Variants in BIRC6 observed in about 807,000 individuals in gnomAD.
BIRC6 encodes baculoviral IAP repeat containing 6.
Under a neutral mutation model 503.3 loss-of-function variants are expected in BIRC6, and 98 were observed. That is an observed-to-expected ratio of 0.19 (90% confidence interval 0.17 to 0.23). BIRC6 has a LOEUF of 0.23. BIRC6 is among the 10% of genes least tolerant of loss of function. The pLI, the probability that BIRC6 is intolerant of heterozygous loss-of-function variation, is 1.00. For missense variants in BIRC6, 5,360 were observed against 5,806.0 expected (o/e 0.92, Z 2.50); for synonymous variants, 2,240 against 2,078.7 (o/e 1.08, Z -2.11).
rs896404324 is a variant in BIRC6 at position 32,439,790 on chromosome 2, A to G, written c.3810+104A>G. The G allele has an allele frequency of 4.0e-5, 40 of 1,008,654 alleles. No homozygotes were observed. The African/African-American group carries it at 5.1e-4, about 13-fold the overall frequency. 62.5% of individuals were successfully genotyped at this position (1,008,654 alleles called of 1,614,324 possible). A position where few individuals can be genotyped will look rare whatever the true frequency, so the allele number is the denominator to read the frequency against. On this transcript the variant is annotated intron_variant, in intron 16 of 73. Transcript: ENST00000421745. ...TATGACCTTTCAGTGATGTTTTACT[A>G]TACGCTTGGTTTGTTTGTATTTTGT...
intron 6 of BIRC6, among the ~76,000 whole-genome samples, chr2:32,400,226 A>C (rs927967592): frequency 6.6e-6 from 1 of 151,790 alleles, no homozygotes; most frequent in Non-Finnish European, 1.5e-5. Context: ...AATAAATTTT[A>C]TTTAAAAGTT....
At chr2:32,463,745 C>G (rs1050364588) in intron 24 of BIRC6, among the ~76,000 whole-genome samples, 1 of 152,178 alleles carries the variant, frequency 6.6e-6, no homozygotes, top group African/African-American at 2.4e-5. Flanking sequence ...TTAAAATTCA[C>G]TAATAATGAC....
At chr2:32,412,342 C>G (rs760612882) in intron 9 of BIRC6, among the ~76,000 whole-genome samples, 1 of 151,570 alleles carries the variant, frequency 6.6e-6, no homozygotes, top group Non-Finnish European at 1.5e-5. Context: ...ACTAAAAATA[C>G]AAAAATTAGC....
intron 55 of BIRC6, among the ~76,000 whole-genome samples, 166 bp downstream of exon 55, chr2:32,515,936 C>T (rs934732073): frequency 6.6e-6 from 1 of 152,170 alleles, no homozygotes; most frequent in African/African-American, 2.4e-5. Flanking sequence ...AATATGCTGT[C>T]ACTGGAATCA....
intron 1 of BIRC6, among the ~76,000 whole-genome samples, chr2:32,369,109 G>A (rs1029996909): frequency 2.0e-5 from 3 of 152,188 alleles, no homozygotes; most frequent in Non-Finnish European, 4.4e-5. Context: ...ATGCAAGATA[G>A]CATCAGTACA....
intron 22 of BIRC6, among the ~76,000 whole-genome samples, chr2:32,449,552 T>C (rs1411760079): frequency 6.6e-6 from 1 of 152,342 alleles, no homozygotes; most frequent in East Asian, 1.9e-4. Flanking sequence ...TAATTGTACT[T>C]ATTGCAGATG....
chr2:32,406,377 T>A, intron 8 of BIRC6, 122 bp from the exon 9 acceptor site: 1 of 667,458 alleles, frequency 1.5e-6, no homozygotes, highest in Non-Finnish European at 2.6e-6. Flanking sequence ...CCAGCCTGGA[T>A]GACAGACTGA....
rs536784420 is a variant in BIRC6 at position 32,363,321 on chromosome 2, C to G, written c.325+5835C>G. Among the ~76,000 whole-genome samples the G allele has an allele frequency of 2.6e-5, 4 of 151,666 alleles. No homozygotes were observed. In the South Asian group the frequency reaches 8.3e-4, roughly 32 times the overall value. On this transcript the variant is annotated intron_variant, in intron 1 of 73. Transcript: ENST00000421745. Reference sequence around the variant, plus strand: ...TGGGCAACAGAGCAAGACTCTGTCTCAAACAAACAAACAAAAACAAGAAAA... The same window carrying G: ...TGGGCAACAGAGCAAGACTCTGTCTGAAACAAACAAACAAAAACAAGAAAA...
rs773850467 is a variant in BIRC6, at chr2:32,607,511, G to A, written c.14127G>A (p.Pro4709=). The change falls in exon 72 of 74, where the codon CCG becomes CCA. Residue 4709 remains proline (P), a synonymous_variant. Coordinates refer to ENST00000421745, the MANE Select transcript of BIRC6 (RefSeq NM_016252.4). ...ILVAEPYFNE[P]GYERSRGTPS... ...TAGCTGAGCCTTATTTTAATGAACC[G>A]GGATATGAACGGTCTAGAGGCACTC... 8.1e-6 allele frequency: 13 copies of A among 1,611,274 alleles called. No individual in the cohort carries two copies. The highest frequency in any genetic ancestry group is 7.7e-5 in the South Asian group (7 of 90,800).
intron 65 of BIRC6, chr2:32,566,011 A>G (rs1460130841): frequency 1.3e-5 from 2 of 152,132 alleles, no homozygotes; most frequent in African/African-American, 4.8e-5. Flanking sequence ...CATATCACAT[A>G]GTCTCCCTCT....
At chr2:32,482,757 C>A (rs984482538) in intron 39 of BIRC6, among the ~76,000 whole-genome samples, 175 bp downstream of exon 39, 1 of 152,018 alleles carries the variant, frequency 6.6e-6, no homozygotes, top group African/African-American at 2.4e-5. Context: ...AGAGGAACTT[C>A]TATCTTTTTG....
chr2:32,554,152 T>C (rs112986754), intron 65 of BIRC6, among the ~76,000 whole-genome samples: 3 of 152,328 alleles, frequency 2.0e-5, no homozygotes, highest in African/African-American at 7.2e-5. Flanking sequence ...AAATAGTATG[T>C]TCCTTTTTTG....
chr2:32,488,301 T>TAA (rs753342591), intron 41 of BIRC6, among the ~76,000 whole-genome samples: 1 of 142,230 alleles, frequency 7.0e-6, no homozygotes, highest in African/African-American at 2.6e-5. Context: ...TTGTCTCAAA[T>TAA]AAAAAAAAAA....
intron 22 of BIRC6, among the ~76,000 whole-genome samples, chr2:32,450,215 A>C (rs1255580582): frequency 6.6e-6 from 1 of 152,204 alleles, no homozygotes; most frequent in Non-Finnish European, 1.5e-5. Context: ...ACGGTGGCTC[A>C]CGCCTGTAAT....
intron 8 of BIRC6, among the ~76,000 whole-genome samples, chr2:32,401,918 T>C (rs2040641517): frequency 6.6e-6 from 1 of 152,184 alleles, no homozygotes; most frequent in South Asian, 2.1e-4. Context: ...GTCTAAATAA[T>C]GAAATGAAAT....
intron 4 of BIRC6, among the ~76,000 whole-genome samples, chr2:32,389,377 G>GAAA (rs551799404): frequency 7.6e-5 from 10 of 131,860 alleles, no homozygotes; most frequent in African/African-American, 2.8e-4. Flanking sequence ...ATTTTATAAT[G>GAAA]AAAAAAAAAA....
In BIRC6 at chr2:32,515,277, C is replaced by G; in HGVS notation, c.10856C>G (p.Ser3619Cys). 6.2e-7 allele frequency: 1 copy of G among 1,613,882 alleles called. No homozygotes were observed. The highest frequency in any genetic ancestry group is 2.2e-5 in the East Asian group (1 of 44,878). The change falls in exon 55 of 74, where the codon TCT becomes TGT. Residue 3619 changes from serine to cysteine, a missense_variant. Physicochemically the swap from Ser to Cys is moderately radical, Grantham distance 112. Transcript: ENST00000421745. ...GCTACCCTTGCTTCCTCTTCTCAAT[C>G]TCCTGAAGCTATTAAACAATTACTA... ...HLATLASSSQ[S>C]PEAIKQLLDS...
At chr2:32,500,191 CT>C in intron 46 of BIRC6, 82 bp downstream of exon 46, 1 of 1,275,610 alleles carries the variant, frequency 7.8e-7, no homozygotes, top group Non-Finnish European at 1.1e-6. Context: ...GATTCATTTT[CT>C]TTTTACTTTA....
chr2:32,422,478 G>T (rs1043316883), intron 10 of BIRC6, among the ~76,000 whole-genome samples: 1 of 151,806 alleles, frequency 6.6e-6, no homozygotes, highest in Admixed American at 6.6e-5. Context: ...GACACCCAGA[G>T]ACCTACTGTC....
Sources: allele counts gnomAD v4.1 joint callset (sites outside exome capture counted in the v4.1 genomes callset), GRCh38; gene constraint gnomAD v4.1.1; transcripts MANE v1.5; gene names NCBI Gene and HGNC (gene_info 2026-07-23, HGNC 2026-07-21).